EMCN: variants seen among roughly 807,000 people sequenced by gnomAD.
EMCN encodes the protein MUC-14.
Under a neutral mutation model 38.4 loss-of-function variants are expected in EMCN, and 37 were observed. The observed-to-expected ratio is 0.96, with a 90% confidence interval of 0.74 to 1.27. EMCN has a LOEUF of 1.27. EMCN is among the 50% of genes most tolerant of loss of function. The pLI is 0.00. For missense variants in EMCN, 318 were observed against 302.8 expected (o/e 1.05, Z -0.37); for synonymous variants, 95 against 100.8 (o/e 0.94, Z 0.35).
chr4:100,461,876 C>A (rs1309171717), intron 4 of EMCN, among the ~76,000 whole-genome samples: 1 of 152,142 alleles, frequency 6.6e-6, no homozygotes, highest in Non-Finnish European at 1.5e-5. Flanking sequence ...TTCAGCTGTT[C>A]AACATTTAAC....
intron 5 of EMCN, among the ~76,000 whole-genome samples, chr4:100,425,041 A>G (rs1727005114): frequency 6.6e-6 from 1 of 152,020 alleles, no homozygotes. Context: ...CAAAATGTTA[A>G]GACTTCATAG....
At chr4:100,400,353 A>ATTTTTTTTTTTTTTTTTT (rs3214622) in intron 11 of EMCN, among the ~76,000 whole-genome samples, 1 of 146,744 alleles carries the variant, frequency 6.8e-6, no homozygotes. Context: ...CCTAGGCCAC[A>ATTTTTTTTTTTTTTTTTT]TTTTTTTTTT....
At chr4:100,473,559 C>T (rs115481338) in intron 3 of EMCN, among the ~76,000 whole-genome samples, 182 of 151,782 alleles carry the variant, frequency 1.2e-3, no homozygotes, top group African/African-American at 4.2e-3. Context: ...GAATTGCTAA[C>T]GAACATACAG....
At chr4:100,399,509 C>T (rs1246870842) in intron 11 of EMCN, among the ~76,000 whole-genome samples, 2 of 152,074 alleles carry the variant, frequency 1.3e-5, no homozygotes, top group Non-Finnish European at 1.5e-5. Flanking sequence ...GTAGCAGCTA[C>T]AGGTATCCAT....
rs573343311 is a variant in EMCN, at chr4:100,427,046, G to A, written c.416-3642C>T. Among the ~76,000 whole-genome samples the A allele has an allele frequency of 4.6e-5, 7 of 151,960 alleles. No homozygotes were observed. The South Asian group carries it at 1.0e-3, about 23-fold the overall frequency. ...TCTTGGGCAGGGCATGGTGGCTCAC[G>A]CCTGTAATCCCAGCACTTTGGAACT... On this transcript the variant is annotated intron_variant, in intron 5 of 11. Transcript: ENST00000296420.
In EMCN at chr4:100,479,973, T is replaced by A. The variant is rs777349319; in HGVS notation, c.131A>T (p.Asn44Ile). ...TTTKPSITTP[N>I]TESLQKNVVT... The stretch of plus-strand genomic sequence containing the variant: ...AACATTTTTCTGTAATGATTCTGTG[T>A]TTGGTGTTGTTATAGATGGTTTTGT... The change falls in exon 2 of 12, where the codon AAC becomes ATC. Residue 44 changes from asparagine (N) to isoleucine (I), a missense_variant. Physicochemically the swap from Asn to Ile is moderately radical, Grantham distance 149 (BLOSUM62 -3). Coordinates refer to ENST00000296420, the MANE Select transcript of EMCN (RefSeq NM_016242.4). 10 of 1,609,902 alleles carry A rather than the reference T, an allele frequency of 6.2e-6. No homozygotes were observed. The South Asian group carries it at 1.1e-4, about 18-fold the overall frequency.
At chr4:100,472,354 T>C (rs1728500808) in intron 3 of EMCN, among the ~76,000 whole-genome samples, 1 of 151,810 alleles carries the variant, frequency 6.6e-6, no homozygotes, top group Admixed American at 6.6e-5. Flanking sequence ...AATTATTTTA[T>C]TACAAAATAA....
At chr4:100,505,936 TG>T (rs1176665601) in intron 1 of EMCN, among the ~76,000 whole-genome samples, 1 of 152,174 alleles carries the variant, frequency 6.6e-6, no homozygotes, top group Admixed American at 6.5e-5. Context: ...TCCACAAAAC[TG>T]TCCATTTCTT....
chr4:100,395,749 G>C lies in EMCN; in HGVS notation c.*2664C>G, dbSNP rs1726104473. The C allele has an allele frequency of 6.6e-6, 1 of 152,078 alleles. No individual in the cohort carries two copies. Among genetic ancestry groups the C allele is most frequent in the Non-Finnish European group, 1.5e-5 (1 of 67,994 alleles). The allele number at this position is 152,078 out of a possible 1,614,324, so 9.4% of individuals were successfully genotyped here. On this transcript the variant is annotated 3_prime_UTR_variant, in exon 12 of 12. Coordinates refer to ENST00000296420, the MANE Select transcript of EMCN (RefSeq NM_016242.4). ...TAGAAAAGAAATAACACACAGATTT[G>C]TCAACCATATGTAACAGAATAGTTC...
chr4:100,406,550 ATCT>A (rs899946938), intron 11 of EMCN, among the ~76,000 whole-genome samples: 7 of 152,122 alleles, frequency 4.6e-5, no homozygotes, highest in Non-Finnish European at 7.4e-5. Context: ...GTTTTTAAAA[ATCT>A]TCTTGGTATT....
chr4:100,489,182 T>A (rs1251486774), intron 1 of EMCN, among the ~76,000 whole-genome samples: 1 of 152,164 alleles, frequency 6.6e-6, no homozygotes, highest in Non-Finnish European at 1.5e-5. Context: ...TTTCTCTACA[T>A]TGGCTATAGG....
rs571169548 is a variant in EMCN at position 100,453,719 on chromosome 4, A to T, written c.377-6148T>A. Among the ~76,000 whole-genome samples, 721 of 152,222 alleles carry T rather than the reference A, an allele frequency of 4.7e-3. 8 individuals are homozygous for T. The highest frequency in any genetic ancestry group is 0.017 in the African/African-American group (687 of 41,522). ...ATCATGCTGCTATAAAGACACATGC[A>T]CACGTATGTTTATTGTGGCACTATT... On this transcript the variant is annotated intron_variant, in intron 4 of 11. Transcript: ENST00000296420.
In EMCN at chr4:100,425,509, C is replaced by T. The variant is rs192661801; in HGVS notation, c.416-2105G>A. On this transcript the variant is annotated intron_variant, in intron 5 of 11. Transcript: ENST00000296420. ...TACAAATCTGACTCTAGCACTTACC[C>T]CTGTGGAATCTTGGGCAAGTTGCTT... 5.1e-4 allele frequency among the ~76,000 whole-genome samples: 77 copies of T among 152,142 alleles called. 1 individual carries two copies. Among genetic ancestry groups the T allele is most frequent in the Non-Finnish European group, 8.8e-5 (6 of 67,998 alleles).
At chr4:100,426,998 A>G (rs928469934) in intron 5 of EMCN, among the ~76,000 whole-genome samples, 1 of 149,234 alleles carries the variant, frequency 6.7e-6, no homozygotes, top group African/African-American at 2.4e-5. Context: ...TCCCTCCCCA[A>G]TTTTTTTTTT....
At chr4:100,468,401 TA>T (rs1728381984) in intron 3 of EMCN, among the ~76,000 whole-genome samples, 1 of 152,196 alleles carries the variant, frequency 6.6e-6, no homozygotes, top group Non-Finnish European at 1.5e-5. Flanking sequence ...AGTTACCAAT[TA>T]ACATGAAGAG....
intron 3 of EMCN, among the ~76,000 whole-genome samples, chr4:100,469,092 C>A (rs1198314170): frequency 6.6e-6 from 1 of 151,926 alleles, no homozygotes; most frequent in African/African-American, 2.4e-5. Context: ...CATATATGGT[C>A]AATTAATTTT....
At chr4:100,463,785 T>A (rs572394467) in intron 4 of EMCN, among the ~76,000 whole-genome samples, 1 of 152,262 alleles carries the variant, frequency 6.6e-6, no homozygotes, top group East Asian at 1.9e-4. Flanking sequence ...TTTCATTGAG[T>A]ATAATGTTTT....
At chr4:100,453,086 C>T (rs918363839) in intron 4 of EMCN, among the ~76,000 whole-genome samples, 2 of 152,122 alleles carry the variant, frequency 1.3e-5, no homozygotes, top group African/African-American at 2.4e-5. Flanking sequence ...TAGAAGAAAA[C>T]CTAGGCAATA....
chr4:100,475,792 C>T (rs910050399), intron 2 of EMCN, among the ~76,000 whole-genome samples: 7 of 151,030 alleles, frequency 4.6e-5, no homozygotes, highest in Non-Finnish European at 7.4e-5. Flanking sequence ...ATTCTCCTGC[C>T]TCAGCCTCCC....
Sources: allele counts gnomAD v4.1 joint callset (sites outside exome capture counted in the v4.1 genomes callset), GRCh38; gene constraint gnomAD v4.1.1; transcripts MANE v1.5; gene names NCBI Gene and HGNC (gene_info 2026-07-23, HGNC 2026-07-21).